FER: variants seen among roughly 807,000 people sequenced by gnomAD.
FER encodes tyrosine-protein kinase Fer.
Under a neutral mutation model 111.0 loss-of-function variants are expected in FER, and 63 were observed. The ratio of observed to expected loss-of-function variants is 0.57; its 90% CI spans 0.46 to 0.70. The LOEUF (loss-of-function observed/expected upper bound fraction) is 0.70, where lower values mean the gene tolerates loss of function less well. Ranked by LOEUF, FER falls within the 30% of genes least tolerant of loss-of-function variation. The pLI, the probability that FER is intolerant of heterozygous loss-of-function variation, is 0.00. For synonymous variants in FER, 327 were observed against 313.9 expected (o/e 1.04, Z -0.44); for missense variants, 914 against 954.0 (o/e 0.96, Z 0.55).
intron 15 of FER, 47 bp from the exon 16 acceptor site, chr5:109,047,057 C>A: frequency 9.9e-7 from 1 of 1,008,490 alleles, no homozygotes. Context: ...CAAATTAATG[C>A]TTTATTATTC....
intron 8 of FER, among the ~76,000 whole-genome samples, chr5:108,875,050 A>G (rs906181675): frequency 4.6e-5 from 7 of 152,192 alleles, no homozygotes; most frequent in African/African-American, 7.2e-5. Flanking sequence ...TAAAGTTATC[A>G]CCTTTACCTA....
chr5:109,165,620 GTGTGTGTGTGTGTGTGTGTA>G (rs139367546), intron 17 of FER, among the ~76,000 whole-genome samples: 25,406 of 150,494 alleles, frequency 0.17, 2,249 homozygotes, highest in Non-Finnish European at 0.2. Flanking sequence ...GTGTGTGTGT[GTGTGTGTGTGTGTGTGTGTA>G]TACACACATA....
At chr5:109,135,030 A>G (rs1203880660) in intron 17 of FER, among the ~76,000 whole-genome samples, 1 of 152,198 alleles carries the variant, frequency 6.6e-6, no homozygotes, top group African/African-American at 2.4e-5. Context: ...CAAGAAAAGC[A>G]TTGCTGAATG....
At chr5:108,859,600 A>G (rs1441692504) in intron 5 of FER, among the ~76,000 whole-genome samples, 1 of 152,180 alleles carries the variant, frequency 6.6e-6, no homozygotes, top group African/African-American at 2.4e-5. Flanking sequence ...GCCATATCCC[A>G]GCTACCCAGA....
intron 13 of FER, among the ~76,000 whole-genome samples, chr5:109,017,135 A>G (rs2149819145): frequency 6.6e-6 from 1 of 152,124 alleles, no homozygotes; most frequent in African/African-American, 2.4e-5. Flanking sequence ...TATTTTAGGA[A>G]TTTTAATATT....
intron 8 of FER, among the ~76,000 whole-genome samples, chr5:108,879,690 G>T (rs1765445889): frequency 7.1e-5 from 5 of 70,758 alleles, no homozygotes; most frequent in Admixed American, 1.2e-4. Flanking sequence ...ATTTTTTTTA[G>T]ATTAAAAAAA....
At chr5:108,769,063 A>G (rs1752620769) in intron 2 of FER, among the ~76,000 whole-genome samples, 1 of 152,090 alleles carries the variant, frequency 6.6e-6, no homozygotes, top group African/African-American at 2.4e-5. Context: ...CTGACCTCAG[A>G]TGATCTTTCT....
intron 13 of FER, among the ~76,000 whole-genome samples, chr5:109,031,924 G>A (rs1439023070): frequency 6.6e-6 from 1 of 152,126 alleles, no homozygotes; most frequent in African/African-American, 2.4e-5. Context: ...TAACTCATCT[G>A]TTTGGAGATG....
chr5:108,801,976 T>C (rs1756703954), intron 3 of FER, among the ~76,000 whole-genome samples: 2 of 152,232 alleles, frequency 1.3e-5, no homozygotes, highest in African/African-American at 4.8e-5. Flanking sequence ...GGATGATTCA[T>C]ATCCTGGGCA....
At chr5:109,003,481 G>T (rs557285477) in intron 13 of FER, among the ~76,000 whole-genome samples, 2 of 152,120 alleles carry the variant, frequency 1.3e-5, no homozygotes, top group Non-Finnish European at 2.9e-5. Flanking sequence ...TGGGAGGAGC[G>T]GGGAGGGATA....
chr5:108,924,759 G>T (rs1027590372), intron 10 of FER: 43 of 1,231,912 alleles, frequency 3.5e-5, no homozygotes, highest in Non-Finnish European at 4.3e-5. Context: ...TCAGCTCTGA[G>T]CCTTCCACAT....
intron 13 of FER, among the ~76,000 whole-genome samples, chr5:108,987,212 A>C (rs1265571000): frequency 6.6e-6 from 1 of 152,158 alleles, no homozygotes; most frequent in Non-Finnish European, 1.5e-5. Context: ...TTGGGAAGCC[A>C]AGGTAGGCAG....
Position 108,867,833 on chromosome 5 carries a change from A to G in FER, c.548A>G (p.Asn183Ser). The G allele has an allele frequency of 6.2e-7, 1 of 1,613,344 alleles. No homozygotes were observed. Among genetic ancestry groups the G allele is most frequent in the Non-Finnish European group, 8.5e-7 (1 of 1,179,592 alleles). The change falls in exon 6 of 20, where the codon AAT becomes AGT. Residue 183 changes from asparagine to serine, a missense_variant. Physicochemically the swap from Asn to Ser is conservative, Grantham distance 46. Transcript: ENST00000281092. ...KATMKLHMLH[N>S]QYVLALKGAQ... ...ACAATGAAACTTCATATGTTGCACA[A>G]TCAGTATGTATTGGCGTTGAAAGGG...
At chr5:109,006,092 C>G (rs957477659) in intron 13 of FER, among the ~76,000 whole-genome samples, 22 of 152,052 alleles carry the variant, frequency 1.4e-4, no homozygotes, top group African/African-American at 5.3e-4. Context: ...TTGTAACAAC[C>G]TGATGATGTA....
rs183443834 is a variant in FER, at chr5:108,794,390, T to G, written c.-59-3734T>G. ...CCGCCTCCACGCCCAGCTAATTTTT[T>G]GTACTTTTAGTAGAGACAGGGTTTC... On this transcript the variant is annotated intron_variant, in intron 2 of 19. Transcript: ENST00000281092. 3.4e-3 allele frequency among the ~76,000 whole-genome samples: 510 copies of G among 152,078 alleles called. 2 individuals are homozygous for G. The highest frequency in any genetic ancestry group is 0.012 in the African/African-American group (486 of 41,470).
rs1765872195 is a variant in FER, at chr5:108,883,460, G to A, written c.988G>A (p.Val330Ile). 3 of 1,609,298 alleles carry A rather than the reference G, an allele frequency of 1.9e-6. No individual in the cohort carries two copies. The highest frequency in any genetic ancestry group is 2.2e-5 in the East Asian group (1 of 44,626). The change falls in exon 9 of 20, where the codon GTT becomes ATT. Residue 330 changes from valine to isoleucine, a missense_variant. Coordinates refer to ENST00000281092, the MANE Select transcript of FER (RefSeq NM_005246.4). The part of the protein sequence containing the change: ...QQMLLNKEEA[V>I]LELEKRIEES... The stretch of plus-strand genomic sequence containing the variant: ...GATGCTTTTAAACAAGGAGGAGGCT[G>A]TTTTGGAGTTAGAGAAGAGAATTGA...
intron 16 of FER, among the ~76,000 whole-genome samples, chr5:109,086,298 G>C (rs1370361392): frequency 6.6e-6 from 1 of 151,442 alleles, no homozygotes; most frequent in African/African-American, 2.4e-5. Flanking sequence ...CATTTGTCAA[G>C]TGTATGCCAT....
intron 13 of FER, among the ~76,000 whole-genome samples, chr5:108,988,604 T>C (rs1317520531): frequency 6.6e-6 from 1 of 152,170 alleles, no homozygotes; most frequent in Non-Finnish European, 1.5e-5. Context: ...AATGATCTTT[T>C]GTATTTCCGT....
At chr5:109,033,215 T>G (rs2084316018) in intron 13 of FER, among the ~76,000 whole-genome samples, 1 of 151,150 alleles carries the variant, frequency 6.6e-6, no homozygotes, top group African/African-American at 2.4e-5. Flanking sequence ...TCTGCTTCCA[T>G]TTTTTCTGTT....
Sources: gnomAD v4.1 joint callset for allele counts (sites outside exome capture counted in the v4.1 genomes callset) on GRCh38, gnomAD v4.1.1 for gene constraint, MANE v1.5 for transcripts, NCBI Gene and HGNC (gene_info 2026-07-23, HGNC 2026-07-21) for gene names.